Variants in FTO observed in about 807,000 individuals in gnomAD.
The protein encoded by FTO is FTO alpha-ketoglutarate dependent dioxygenase.
Under a neutral mutation model 63.9 loss-of-function variants are expected in FTO, and 47 were observed. The ratio of observed to expected loss-of-function variants is 0.74; its 90% CI spans 0.58 to 0.94. The LOEUF (loss-of-function observed/expected upper bound fraction) is 0.94. FTO is among the 40% of genes least tolerant of loss of function. The pLI, the probability that FTO is intolerant of heterozygous loss-of-function variation, is 0.00. For synonymous variants in FTO, 207 were observed against 224.4 expected (o/e 0.92, Z 0.69); for missense variants, 562 against 618.1 (o/e 0.91, Z 0.96).
At chr16:53,768,034 G>A (rs949611629) in intron 1 of FTO, among the ~76,000 whole-genome samples, 4 of 152,198 alleles carry the variant, frequency 2.6e-5, no homozygotes, top group Non-Finnish European at 5.9e-5. Context: ...ACTGTTAGCT[G>A]CTTTAGCCTG....
chr16:53,736,424 C>G (rs560716494), intron 1 of FTO, among the ~76,000 whole-genome samples: 1 of 151,870 alleles, frequency 6.6e-6, no homozygotes, highest in Non-Finnish European at 1.5e-5. Flanking sequence ...ATCGAGTTCT[C>G]TCTGGAAATC....
intron 7 of FTO, among the ~76,000 whole-genome samples, chr16:53,897,979 C>T (rs2081312833): frequency 6.6e-6 from 1 of 152,162 alleles, no homozygotes. Flanking sequence ...ACCTCCTGTG[C>T]TACCACCTTG....
intron 1 of FTO, among the ~76,000 whole-genome samples, chr16:53,783,985 G>C (rs2077664727): frequency 6.6e-6 from 1 of 152,020 alleles, no homozygotes; most frequent in Admixed American, 6.5e-5. Flanking sequence ...CCTACTTCTG[G>C]AGATTCTAAA....
Position 54,104,313 on chromosome 16 carries a change from C to CT in FTO, c.1365-7432dup, listed in dbSNP as rs71146725. Among the ~76,000 whole-genome samples the CT allele has an allele frequency of 7.9e-3, 1,045 of 132,032 alleles. 12 individuals carry two copies. Among genetic ancestry groups the CT allele is most frequent in the African/African-American group, 0.023 (832 of 35,552 alleles). 86.6% of individuals were successfully genotyped at this position (132,032 alleles called of 152,430 possible). Reference sequence around the variant, plus strand: ...CACCAATGTTTTCTACCTGAGGCCTCTTTTTTTTTTTTTTTTTGGGATGGA... The same window carrying CT: ...CACCAATGTTTTCTACCTGAGGCCTCTTTTTTTTTTTTTTTTTTGGGATGGA... On this transcript the variant is annotated intron_variant, in intron 8 of 8. Coordinates refer to ENST00000471389, the MANE Select transcript of FTO (RefSeq NM_001080432.3).
intron 4 of FTO, among the ~76,000 whole-genome samples, chr16:53,845,940 T>C (rs1231150133): frequency 2.0e-5 from 3 of 152,228 alleles, no homozygotes. Flanking sequence ...TGAACACTGA[T>C]CTAAGTATGC....
chr16:54,105,771 C>CTGTGTGTG (rs57782663), intron 8 of FTO, among the ~76,000 whole-genome samples: 232 of 138,062 alleles, frequency 1.7e-3, no homozygotes, highest in Admixed American at 2.8e-3. Context: ...AAGTTCTAGT[C>CTGTGTGTG]TGTGTGTGTG....
intron 3 of FTO, 113 bp from the exon 4 acceptor site, chr16:53,844,042 C>A (rs1246924295): frequency 1.3e-6 from 1 of 794,924 alleles, no homozygotes; most frequent in Non-Finnish European, 2.0e-6. Context: ...AGATATATTT[C>A]ATTTAATATT....
intron 1 of FTO, among the ~76,000 whole-genome samples, chr16:53,804,879 T>G (rs1440795925): frequency 6.6e-6 from 1 of 152,136 alleles, no homozygotes; most frequent in Non-Finnish European, 1.5e-5. Context: ...CCTCCCATAG[T>G]GCTGGGCTTA....
At chr16:53,987,016 A>T (rs1480327683) in intron 8 of FTO, among the ~76,000 whole-genome samples, 1 of 152,210 alleles carries the variant, frequency 6.6e-6, no homozygotes, top group South Asian at 2.1e-4. Flanking sequence ...TCTGTTTTAC[A>T]TGCATGTAAT....
intron 1 of FTO, among the ~76,000 whole-genome samples, chr16:53,727,260 A>G (rs939199273): frequency 1.1e-4 from 16 of 152,326 alleles, no homozygotes; most frequent in East Asian, 1.9e-4. Context: ...GGCATATTCT[A>G]TCAGCTTTCA....
chr16:53,835,080 T>C (rs1375479161), intron 3 of FTO, among the ~76,000 whole-genome samples: 3 of 152,232 alleles, frequency 2.0e-5, no homozygotes, highest in Non-Finnish European at 2.9e-5. Context: ...TGTATAGTTT[T>C]CTATGTAGTT....
chr16:53,742,829 T>C (rs1370718992), intron 1 of FTO, among the ~76,000 whole-genome samples: 1 of 152,214 alleles, frequency 6.6e-6, no homozygotes, highest in Non-Finnish European at 1.5e-5. Flanking sequence ...AGGAGCGCTT[T>C]CCACTAGTGT....
chr16:53,862,554 T>C (rs76731994), intron 4 of FTO, among the ~76,000 whole-genome samples: 45 of 151,310 alleles, frequency 3.0e-4, no homozygotes, highest in African/African-American at 6.1e-4. Context: ...TTTTTTTTTT[T>C]CAAGATGGAG....
At chr16:54,035,706 C>T (rs1247996772) in intron 8 of FTO, among the ~76,000 whole-genome samples, 2 of 152,130 alleles carry the variant, frequency 1.3e-5, no homozygotes, top group Non-Finnish European at 2.9e-5. Flanking sequence ...CCGCCACTTA[C>T]GGGAAACCTT....
chr16:53,750,535 G>A (rs534167124), intron 1 of FTO, among the ~76,000 whole-genome samples: 7 of 152,134 alleles, frequency 4.6e-5, no homozygotes, highest in Admixed American at 3.3e-4. Context: ...CACTGTGCTC[G>A]GCCAATAATG....
chr16:53,793,407 A>G (rs2077980070), intron 1 of FTO, among the ~76,000 whole-genome samples: 1 of 152,232 alleles, frequency 6.6e-6, no homozygotes, highest in Admixed American at 6.5e-5. Context: ...AGAATTTGAT[A>G]TTCAAATTAT....
Position 54,111,819 on chromosome 16 carries a change from A to G in FTO, c.1422A>G (p.Pro474=). Residue 474 remains proline (P), a synonymous_variant, in exon 9 of 9, where the codon CCA becomes CCG. Coordinates refer to ENST00000471389, the MANE Select transcript of FTO (RefSeq NM_001080432.3). ...LPADQKPECR[P]YWEKDDASMP... is the part of the protein sequence containing the mutation. ...CTGATCAGAAGCCAGAATGTCGGCC[A>G]TACTGGGAAAAGGATGATGCTTCGA... is the stretch of plus-strand genomic sequence containing the variant. 1 of 1,614,198 alleles carries G rather than the reference A, an allele frequency of 6.2e-7. No individual in the cohort carries two copies. Among genetic ancestry groups the G allele is most frequent in the Non-Finnish European group, 8.5e-7 (1 of 1,180,030 alleles).
intron 1 of FTO, among the ~76,000 whole-genome samples, chr16:53,745,736 C>T (rs2076634771): frequency 6.6e-6 from 1 of 152,060 alleles, no homozygotes; most frequent in African/African-American, 2.4e-5. Flanking sequence ...GCATATTTGC[C>T]ATTTGTGGTG....
intron 1 of FTO, among the ~76,000 whole-genome samples, chr16:53,756,243 T>G (rs552635050): frequency 6.6e-6 from 1 of 152,270 alleles, no homozygotes; most frequent in Admixed American, 6.5e-5. Flanking sequence ...TTTAGGAAAA[T>G]GATAACGAGG....
Sources: gnomAD v4.1 joint callset for allele counts (sites outside exome capture counted in the v4.1 genomes callset) on GRCh38, gnomAD v4.1.1 for gene constraint, MANE v1.5 for transcripts, NCBI Gene and HGNC (gene_info 2026-07-23, HGNC 2026-07-21) for gene names.